The following GNAO1 variants were observed in gnomAD, a reference collection of about 807,000 sequenced individuals.
GNAO1 encodes the protein G protein subunit alpha o1.
For missense variants in GNAO1, 166 were observed against 478.7 expected (o/e 0.35, Z 6.10); for synonymous variants, 164 against 180.7 (o/e 0.91, Z 0.74).
At chr16:56,350,921 G>A (rs1417102276) in intron 6 of GNAO1, among the ~76,000 whole-genome samples, 2 of 151,358 alleles carry the variant, frequency 1.3e-5, no homozygotes, top group African/African-American at 2.4e-5. Context: ...ACACAGGCAC[G>A]CACACACACT....
In GNAO1 at chr16:56,205,974, G is replaced by A. The variant is rs1204942017; in HGVS notation, c.161+13358G>A. Reference sequence around the variant, plus strand: ...TGGCACAGACATGAGCAGAAAGAAGGCCAGTGGAGCTCTAGACCACAGGGA... The same window carrying A: ...TGGCACAGACATGAGCAGAAAGAAGACCAGTGGAGCTCTAGACCACAGGGA... On this transcript the variant is annotated intron_variant, in intron 2 of 8. Coordinates refer to ENST00000262493, the MANE Select transcript of GNAO1 (RefSeq NM_020988.3). Among the ~76,000 whole-genome samples the A allele has an allele frequency of 2.6e-5, 4 of 152,118 alleles. No homozygotes were observed. In the East Asian group the frequency reaches 7.7e-4, roughly 29 times the overall value.
At chr16:56,273,535 C>T (rs2143515245) in intron 2 of GNAO1, among the ~76,000 whole-genome samples, 1 of 152,296 alleles carries the variant, frequency 6.6e-6, no homozygotes, top group East Asian at 1.9e-4. Flanking sequence ...AGTTATGGGT[C>T]ATGCTTTTCT....
chr16:56,292,025 G>GC (rs2037237672), intron 3 of GNAO1, among the ~76,000 whole-genome samples: 1 of 152,200 alleles, frequency 6.6e-6, no homozygotes, highest in South Asian at 2.1e-4. Flanking sequence ...ACCATTGCCT[G>GC]CCCTGCCTTC....
chr16:56,340,742 CT>C, intron 6 of GNAO1: 2 of 1,158,202 alleles, frequency 1.7e-6, no homozygotes, highest in South Asian at 2.8e-5. Flanking sequence ...ATTGGTGGAC[CT>C]TCCCTTTGCT....
At chr16:56,268,821 G>A (rs894868420) in intron 2 of GNAO1, among the ~76,000 whole-genome samples, 36 of 152,166 alleles carry the variant, frequency 2.4e-4, no homozygotes, top group Non-Finnish European at 4.0e-4. Flanking sequence ...TCACTTTACC[G>A]TCCTGTCCAG....
intron 3 of GNAO1, chr16:56,308,259 T>C (rs1489495153): frequency 6.6e-6 from 1 of 152,172 alleles, no homozygotes; most frequent in Non-Finnish European, 1.5e-5. Context: ...AGCTTTGGTT[T>C]TAGTAGTTTT....
intron 3 of GNAO1, among the ~76,000 whole-genome samples, chr16:56,293,313 G>A (rs982864861): frequency 1.1e-4 from 17 of 152,180 alleles, no homozygotes; most frequent in African/African-American, 3.9e-4. Context: ...TCTGTTGGCT[G>A]TTTTCTGCTC....
intron 2 of GNAO1, among the ~76,000 whole-genome samples, chr16:56,251,993 G>A (rs1567455446): frequency 6.6e-6 from 1 of 152,110 alleles, no homozygotes. Flanking sequence ...CCTGGTGCAT[G>A]GGCAACAAAT....
At chr16:56,241,544 A>C (rs992438903) in intron 2 of GNAO1, among the ~76,000 whole-genome samples, 1 of 152,218 alleles carries the variant, frequency 6.6e-6, no homozygotes, top group African/African-American at 2.4e-5. Flanking sequence ...TTCCATGGTT[A>C]TCTCCTATTT....
intron 6 of GNAO1, chr16:56,344,272 A>G: frequency 1.2e-5 from 15 of 1,255,288 alleles, no homozygotes; most frequent in Non-Finnish European, 1.5e-5. Context: ...CCTGCACCTG[A>G]TGACTCACTG....
At chr16:56,348,669 G>A (rs1412377636) in intron 6 of GNAO1, among the ~76,000 whole-genome samples, 2 of 152,218 alleles carry the variant, frequency 1.3e-5, no homozygotes, top group Non-Finnish European at 2.9e-5. Context: ...GTAAGGATGA[G>A]CTGTGCTCTC....
At chr16:56,259,382 C>G (rs2036882433) in intron 2 of GNAO1, among the ~76,000 whole-genome samples, 2 of 151,728 alleles carry the variant, frequency 1.3e-5, no homozygotes, top group South Asian at 4.2e-4. Flanking sequence ...ACATCTAATG[C>G]TGGAAATTAT....
chr16:56,313,691 T>A (rs1342052598), intron 3 of GNAO1, among the ~76,000 whole-genome samples: 1 of 152,098 alleles, frequency 6.6e-6, no homozygotes, highest in Non-Finnish European at 1.5e-5. Context: ...TAAAGGAGAG[T>A]TGCAATGTGG....
intron 3 of GNAO1, among the ~76,000 whole-genome samples, chr16:56,314,653 A>G (rs2037490799): frequency 6.6e-6 from 1 of 152,202 alleles, no homozygotes. Context: ...CGCCGAGTCC[A>G]GCGCCGGCGC....
chr16:56,350,317 A>C (rs1186992499), intron 6 of GNAO1, among the ~76,000 whole-genome samples: 2 of 152,176 alleles, frequency 1.3e-5, no homozygotes, highest in African/African-American at 4.8e-5. Context: ...CTGGGTTTAC[A>C]GTGAGCAAGT....
At chr16:56,330,321 C>T (rs1177811263) in intron 4 of GNAO1, among the ~76,000 whole-genome samples, 2 of 152,160 alleles carry the variant, frequency 1.3e-5, no homozygotes, top group Non-Finnish European at 2.9e-5. Flanking sequence ...CACTCCCTGT[C>T]CCTGCCCTGG....
At position 56,351,202 on chromosome 16, in the gene GNAO1, G is replaced by A. The variant is rs145619802; in HGVS notation, c.724-182G>A. Among the ~76,000 whole-genome samples the A allele has an allele frequency of 4.5e-4, 68 of 152,284 alleles. No individual in the cohort carries two copies. The highest frequency in any genetic ancestry group is 6.5e-4 in the Non-Finnish European group (44 of 68,014). On this transcript the variant is annotated intron_variant, in intron 6 of 8. Transcript: ENST00000262493. The surrounding 1 kb of genome is among the most constrained non-coding windows in gnomAD (Gnocchi z 6.1). ...CTGGCCCCGACATGACGGGTTCTCC[G>A]GAAGCAGGGAATGAGATGTGCTGTG...
chr16:56,272,173 G>A (rs2037023786), intron 2 of GNAO1, among the ~76,000 whole-genome samples: 1 of 152,094 alleles, frequency 6.6e-6, no homozygotes, highest in African/African-American at 2.4e-5. Context: ...GCCAGGCATG[G>A]TGGCGGGCGC....
At chr16:56,345,966 G>A in intron 6 of GNAO1, 2 of 985,614 alleles carry the variant, frequency 2.0e-6, no homozygotes, top group Non-Finnish European at 2.4e-6. Flanking sequence ...TCAGAACACA[G>A]TGGCCAGAGC....
Sources: allele counts gnomAD v4.1 joint callset (sites outside exome capture counted in the v4.1 genomes callset), GRCh38; gene constraint gnomAD v4.1.1; non-coding constraint Gnocchi (gnomAD v3.1); transcripts MANE v1.5; gene names NCBI Gene and HGNC (gene_info 2026-07-23, HGNC 2026-07-21).